The following NRG3 variants were observed in gnomAD, a reference collection of about 807,000 sequenced individuals.
NRG3 encodes neuregulin 3.
NRG3 carries 31 observed loss-of-function variants against 66.9 expected under a neutral mutation model. That is an observed-to-expected ratio of 0.46 (90% CI 0.35 to 0.63). The LOEUF (loss-of-function observed/expected upper bound fraction) is 0.63. Among genes scored for constraint, NRG3 ranks in the 20% least tolerant of loss-of-function variants. The pLI is 0.00. For missense variants in NRG3, 910 were observed against 878.9 expected (o/e 1.04, Z -0.45); for synonymous variants, 393 against 359.4 (o/e 1.09, Z -1.06).
At chr10:81,971,944 G>T (rs2059949305) in intron 1 of NRG3, among the ~76,000 whole-genome samples, 1 of 152,194 alleles carries the variant, frequency 6.6e-6, no homozygotes, top group Admixed American at 6.6e-5. Flanking sequence ...GCACATGCAG[G>T]TGAGGAAATT....
intron 2 of NRG3, among the ~76,000 whole-genome samples, chr10:82,727,328 G>GAA (rs35369132): frequency 6.6e-6 from 1 of 151,672 alleles, no homozygotes; most frequent in African/African-American, 2.4e-5. Context: ...AGGCCTAGGA[G>GAA]AAAAAAAAAT....
At chr10:81,987,813 G>C (rs1356625887) in intron 1 of NRG3, among the ~76,000 whole-genome samples, 3 of 152,104 alleles carry the variant, frequency 2.0e-5, no homozygotes, top group Non-Finnish European at 4.4e-5. Context: ...TTTATGGATG[G>C]GGAAAGTAAG....
intron 1 of NRG3, among the ~76,000 whole-genome samples, chr10:82,221,743 A>G (rs938934961): frequency 1.3e-5 from 2 of 152,196 alleles, no homozygotes; most frequent in African/African-American, 4.8e-5. Context: ...GCTCTGATGA[A>G]TGATCTCTTC....
chr10:82,985,025 C>T, intron 8 of NRG3, 73 bp from the exon 9 acceptor site: 2 of 1,545,550 alleles, frequency 1.3e-6, no homozygotes, highest in Non-Finnish European at 1.8e-6. Flanking sequence ...GTGAAAAGTG[C>T]TTTGTGGATT....
At chr10:82,928,612 G>GTT (rs59744503) in intron 4 of NRG3, among the ~76,000 whole-genome samples, 10,264 of 117,762 alleles carry the variant, frequency 0.087, 1,106 homozygotes, top group African/African-American at 0.28. Context: ...GGATCAGCAG[G>GTT]TTTTTTTTTT....
At chr10:82,257,504 T>G (rs2077795548) in intron 1 of NRG3, among the ~76,000 whole-genome samples, 1 of 152,042 alleles carries the variant, frequency 6.6e-6, no homozygotes. Flanking sequence ...GCGTGGTGGC[T>G]CATGCCTGTA....
Position 81,994,388 on chromosome 10 carries a change from G to A in NRG3, c.823+118225G>A, listed in dbSNP as rs139811876. Among the ~76,000 whole-genome samples, 392 of 152,114 alleles carry A rather than the reference G, an allele frequency of 2.6e-3. 1 individual carries two copies. Among genetic ancestry groups the A allele is most frequent in the African/African-American group, 8.3e-3 (345 of 41,536 alleles). On this transcript the variant is annotated intron_variant, in intron 1 of 8. Coordinates refer to ENST00000372141, the MANE Select transcript of NRG3 (RefSeq NM_001010848.4). ...TTTGAAAGTTTAAATAAGATATTGT[G>A]TTAAGCTGAAAGGTAATATTTAAAA...
chr10:81,982,284 T>C (rs117267312), intron 1 of NRG3, among the ~76,000 whole-genome samples: 1 of 152,176 alleles, frequency 6.6e-6, no homozygotes, highest in Non-Finnish European at 1.5e-5. Context: ...TTTCCTCTAG[T>C]GTCAAAAAAT....
chr10:82,464,126 G>T (rs555546097), intron 2 of NRG3, among the ~76,000 whole-genome samples: 89 of 152,268 alleles, frequency 5.8e-4, no homozygotes, highest in South Asian at 1.7e-3. Context: ...AGAGAATTGA[G>T]GCTCAGTTGG....
chr10:81,953,425 C>G (rs991308937), intron 1 of NRG3, among the ~76,000 whole-genome samples: 2 of 152,118 alleles, frequency 1.3e-5, no homozygotes, highest in Non-Finnish European at 2.9e-5. Flanking sequence ...TCTGTCTTTC[C>G]TGTAATTACT....
intron 1 of NRG3, among the ~76,000 whole-genome samples, chr10:82,123,725 G>A (rs557398943): frequency 1.3e-5 from 2 of 152,256 alleles, no homozygotes; most frequent in East Asian, 3.9e-4. Context: ...CAAATATAGA[G>A]TCTGGAATTC....
intron 2 of NRG3, among the ~76,000 whole-genome samples, chr10:82,708,969 A>G (rs1054192188): frequency 1.5e-4 from 23 of 151,928 alleles, no homozygotes; most frequent in Admixed American, 1.2e-3. Context: ...CTGAGCAGCC[A>G]CTTTATAACT....
chr10:82,560,823 TTTAA>T (rs1292127352), intron 2 of NRG3, among the ~76,000 whole-genome samples: 1 of 151,746 alleles, frequency 6.6e-6, no homozygotes, highest in Non-Finnish European at 1.5e-5. Flanking sequence ...GACTGGTTTA[TTTAA>T]TTAAGTAATG....
At chr10:82,906,802 C>T (rs1844778332) in intron 4 of NRG3, among the ~76,000 whole-genome samples, 1 of 151,882 alleles carries the variant, frequency 6.6e-6, no homozygotes, top group Non-Finnish European at 1.5e-5. Flanking sequence ...TATAAAATCA[C>T]CTTGTTATTA....
chr10:82,915,015 T>C (rs1845698629), intron 4 of NRG3, among the ~76,000 whole-genome samples: 1 of 152,174 alleles, frequency 6.6e-6, no homozygotes, highest in African/African-American at 2.4e-5. Context: ...CATGATAACC[T>C]CTAGAGGTTT....
chr10:82,339,511 G>T (rs1461294252), intron 1 of NRG3, among the ~76,000 whole-genome samples: 2 of 152,054 alleles, frequency 1.3e-5, no homozygotes, highest in Non-Finnish European at 2.9e-5. Flanking sequence ...CATGGGGGAG[G>T]CTGCCTCCAT....
chr10:82,450,648 T>C (rs2136569670), intron 2 of NRG3, among the ~76,000 whole-genome samples: 1 of 152,296 alleles, frequency 6.6e-6, no homozygotes, highest in South Asian at 2.1e-4. Context: ...CAAACTCTTC[T>C]CATCCTCTGC....
chr10:82,666,178 A>G (rs1260053359), intron 2 of NRG3, among the ~76,000 whole-genome samples: 1 of 152,186 alleles, frequency 6.6e-6, no homozygotes, highest in Non-Finnish European at 1.5e-5. Flanking sequence ...CTTCTCAGCC[A>G]TCAGTTGCTG....
chr10:82,600,009 T>TA (rs1285150684), intron 2 of NRG3, among the ~76,000 whole-genome samples: 1 of 152,080 alleles, frequency 6.6e-6, no homozygotes, highest in East Asian at 1.9e-4. Flanking sequence ...TTATAATACT[T>TA]AAAAAAATAG....
Sources: gnomAD v4.1 joint callset for allele counts (sites outside exome capture counted in the v4.1 genomes callset) on GRCh38, gnomAD v4.1.1 for gene constraint, MANE v1.5 for transcripts, NCBI Gene and HGNC (gene_info 2026-07-23, HGNC 2026-07-21) for gene names.